Variants in ALOX5AP observed in about 807,000 individuals in gnomAD.
ALOX5AP encodes arachidonate 5-lipoxygenase activating protein.
In ALOX5AP, 9 loss-of-function variants were observed where a neutral mutation model predicts 18.5. The observed-to-expected ratio is 0.49, with a 90% CI of 0.29 to 0.85. ALOX5AP has a LOEUF of 0.85. ALOX5AP is among the 40% of genes least tolerant of loss of function. The probability of loss-of-function intolerance (pLI) is 0.08; values close to 1 mark genes in which losing one functional copy is unlikely to be tolerated. For missense variants in ALOX5AP, 172 were observed against 202.5 expected, an observed-to-expected ratio of 0.85 and a Z score of 0.91; for synonymous variants, 81 against 78.6, an observed-to-expected ratio of 1.03 and a Z score of -0.16.
Position 30,737,233 on chromosome 13 carries a change from G to C in ALOX5AP, c.70+1558G>C, listed in dbSNP as rs147442696. 2.4e-3 allele frequency among the ~76,000 whole-genome samples: 359 copies of C among 152,344 alleles called. 1 individual carries two copies. The highest frequency in any genetic ancestry group is 8.3e-3 in the African/African-American group (345 of 41,564). On this transcript the variant is annotated intron_variant, in intron 1 of 4. Transcript: ENST00000380490. ...ACGAAGTTTGAGCTCACTCTCTCCA[G>C]CTCCCTCTCAATTCAGAGCTGAACT...
At chr13:30,734,053 T>G (rs1951702139), upstream of ALOX5AP, among the ~76,000 whole-genome samples, 1 of 152,206 alleles carries the variant, frequency 6.6e-6, no homozygotes, top group Admixed American at 6.5e-5. Flanking sequence ...AACTTCATGG[T>G]GTCCATGAGC....
At chr13:30,746,053 C>T (rs1020285682) in intron 2 of ALOX5AP, among the ~76,000 whole-genome samples, 18 of 152,226 alleles carry the variant, frequency 1.2e-4, no homozygotes, top group East Asian at 3.8e-4. Context: ...GTTTCTGCCA[C>T]GTGCCCCCGG....
chr13:30,717,140 G>C (rs1427292146), intron 1 of ALOX5AP, among the ~76,000 whole-genome samples: 1 of 152,162 alleles, frequency 6.6e-6, no homozygotes, highest in Non-Finnish European at 1.5e-5. Context: ...CAATGTCCCC[G>C]GGCAAATGAA....
Position 30,735,721 on chromosome 13 carries a change from C to G in ALOX5AP, c.70+46C>G, listed in dbSNP as rs371498736. 9.4e-6 allele frequency: 15 copies of G among 1,603,650 alleles called. No individual in the cohort carries two copies. In the African/African-American group the frequency reaches 2.0e-4, roughly 21 times the overall value. On this transcript the variant is annotated intron_variant, in intron 1 of 4. Transcript: ENST00000380490. ...AGGGAAGAACAGAAGGGGAGATTTT[C>G]TTTGATGGTTGTTTGGAAGTCAGGC...
intron 1 of ALOX5AP, among the ~76,000 whole-genome samples, chr13:30,722,428 G>A (rs1046326081): frequency 6.6e-6 from 1 of 151,640 alleles, no homozygotes; most frequent in Non-Finnish European, 1.5e-5. Flanking sequence ...ATTTTTTTTT[G>A]TTTATATGCA....
chr13:30,748,199 G>A (rs970813724), intron 2 of ALOX5AP, among the ~76,000 whole-genome samples: 4 of 152,144 alleles, frequency 2.6e-5, no homozygotes, highest in African/African-American at 7.2e-5. Flanking sequence ...GATTACAGAC[G>A]TGAGCCACTG....
chr13:30,762,563 G>A (rs1236447394), intron 4 of ALOX5AP, among the ~76,000 whole-genome samples: 1 of 150,964 alleles, frequency 6.6e-6, no homozygotes, highest in African/African-American at 2.4e-5. Flanking sequence ...CACTCCAGCT[G>A]GGCAATAGAG....
intron 1 of ALOX5AP, among the ~76,000 whole-genome samples, chr13:30,728,870 AAG>A (rs2137795218): frequency 6.6e-6 from 1 of 152,298 alleles, no homozygotes; most frequent in East Asian, 1.9e-4. Flanking sequence ...ACAAACAAAA[AAG>A]AAACTGTCAA....
At position 30,764,188 on chromosome 13, in the gene ALOX5AP, C is replaced by G; in HGVS notation, c.*82C>G. On this transcript the variant is annotated 3_prime_UTR_variant, in exon 5 of 5. Coordinates refer to ENST00000380490, the MANE Select transcript of ALOX5AP (RefSeq NM_001629.4). The stretch of plus-strand genomic sequence containing the variant: ...TAATTCAGCTCTTGAGAGCATTCTG[C>G]TCTTCTTTAGATGGCTGTAAATCTA... 1.4e-6 allele frequency: 2 copies of G among 1,447,852 alleles called. No homozygotes were observed. Among genetic ancestry groups the G allele is most frequent in the Non-Finnish European group, 1.9e-6 (2 of 1,070,496 alleles). 89.7% of individuals were successfully genotyped at this position (1,447,852 alleles called of 1,614,324 possible).
At chr13:30,733,158 C>CA (rs34069656), upstream of ALOX5AP, among the ~76,000 whole-genome samples, 5,518 of 81,968 alleles carry the variant, frequency 0.067, 266 homozygotes, top group African/African-American at 0.13. Flanking sequence ...GACTCCGTCT[C>CA]AAAAAAAAAA....
intron 4 of ALOX5AP, among the ~76,000 whole-genome samples, chr13:30,757,185 G>A (rs995270013): frequency 1.3e-5 from 2 of 152,086 alleles, no homozygotes; most frequent in African/African-American, 4.8e-5. Flanking sequence ...CTCTCTAGTG[G>A]CTAATGGGCT....
chr13:30,731,923 G>A (rs1362817187), upstream of ALOX5AP, among the ~76,000 whole-genome samples: 3 of 152,226 alleles, frequency 2.0e-5, no homozygotes, highest in African/African-American at 7.2e-5. Context: ...CGGCTCTCCC[G>A]GTGCCCCTTG....
chr13:30,757,311 C>T (rs148398181), intron 4 of ALOX5AP, among the ~76,000 whole-genome samples: 189 of 152,260 alleles, frequency 1.2e-3, no homozygotes, highest in Non-Finnish European at 1.6e-3. Flanking sequence ...AAGGACTTGA[C>T]GGGGTTAGAC....
rs573969898 is a variant in ALOX5AP at position 30,763,332 on chromosome 13, A to G, written c.324-612A>G. 2.0e-5 allele frequency among the ~76,000 whole-genome samples: 3 copies of G among 152,318 alleles called. No individual in the cohort carries two copies. The South Asian group carries it at 6.2e-4, about 32-fold the overall frequency. ...CAAAAACAAAGAAACAAACAACAAC[A>G]ATAACAACAAAAACCAAGTCTCTCC... is the stretch of plus-strand genomic sequence containing the variant. On this transcript the variant is annotated intron_variant, in intron 4 of 4. Transcript: ENST00000380490.
At chr13:30,747,527 C>A (rs1951818970) in intron 2 of ALOX5AP, among the ~76,000 whole-genome samples, 1 of 152,182 alleles carries the variant, frequency 6.6e-6, no homozygotes, top group South Asian at 2.1e-4. Context: ...ATGAGCATGG[C>A]TAGAGCAGCC....
intron 1 of ALOX5AP, among the ~76,000 whole-genome samples, chr13:30,738,214 T>C (rs1344503971): frequency 6.6e-6 from 1 of 152,206 alleles, no homozygotes; most frequent in East Asian, 1.9e-4. Flanking sequence ...TTTTCTGTGA[T>C]TGGGCAGAGC....
At position 30,744,172 on chromosome 13, in the gene ALOX5AP, C is replaced by T. The variant is rs2137812915; in HGVS notation, c.170+13C>T. ...TCTACACTGCCAAGTGAGTCCTAAC[C>T]CTGATGTTGCTAATAAGTGGGGGCA... On this transcript the variant is annotated intron_variant, in intron 2 of 4. Coordinates refer to ENST00000380490, the MANE Select transcript of ALOX5AP (RefSeq NM_001629.4). 1 of 1,611,356 alleles carries T rather than the reference C, an allele frequency of 6.2e-7. No individual in the cohort carries two copies. The highest frequency in any genetic ancestry group is 8.5e-7 in the Non-Finnish European group (1 of 1,177,738).
intron 1 of ALOX5AP, among the ~76,000 whole-genome samples, chr13:30,725,057 A>G (rs1009824110): frequency 6.6e-6 from 1 of 152,228 alleles, no homozygotes; most frequent in African/African-American, 2.4e-5. Context: ...GTGCCCGTGA[A>G]GGACAGTGCC....
chr13:30,728,634 C>T (rs1250541418), intron 1 of ALOX5AP, among the ~76,000 whole-genome samples: 1 of 152,152 alleles, frequency 6.6e-6, no homozygotes, highest in Non-Finnish European at 1.5e-5. Flanking sequence ...GGGGGAATTG[C>T]TTGAGGCCAG....
Sources: gnomAD v4.1 joint callset for allele counts (sites outside exome capture counted in the v4.1 genomes callset) on GRCh38, gnomAD v4.1.1 for gene constraint, MANE v1.5 for transcripts, NCBI Gene and HGNC (gene_info 2026-07-23, HGNC 2026-07-21) for gene names.